RRBP1: variants seen among roughly 807,000 people sequenced by gnomAD.
The protein encoded by RRBP1 is ribosome binding protein 1.
RRBP1 carries 94 observed loss-of-function variants against 165.2 expected under a neutral mutation model. The ratio of observed to expected loss-of-function variants is 0.57; its 90% CI spans 0.48 to 0.68. The LOEUF is 0.68. Among genes scored for constraint, RRBP1 ranks in the 30% least tolerant of loss-of-function variants. The probability of loss-of-function intolerance (pLI) is 0.00; values close to 1 mark genes in which losing one functional copy is unlikely to be tolerated. For synonymous variants in RRBP1, 680 were observed against 714.5 expected (o/e 0.95, Z 0.77); for missense variants, 1,676 against 1,763.0 (o/e 0.95, Z 0.88).
chr20:17,619,850 C>A, intron 18 of RRBP1, 122 bp from the exon 19 acceptor site: 1 of 625,442 alleles, frequency 1.6e-6, no homozygotes, highest in Non-Finnish European at 2.7e-6. Context: ...CTGAGGCCCA[C>A]CAGCTACCAA....
At chr20:17,653,261 A>T (rs1047636829) in intron 3 of RRBP1, among the ~76,000 whole-genome samples, 1 of 152,230 alleles carries the variant, frequency 6.6e-6, no homozygotes, top group Non-Finnish European at 1.5e-5. Flanking sequence ...GGAGAGGTGC[A>T]CACTTCACTG....
intron 20 of RRBP1, among the ~76,000 whole-genome samples, chr20:17,617,740 C>T (rs765923410): frequency 1.1e-4 from 16 of 152,156 alleles, no homozygotes; most frequent in Non-Finnish European, 2.9e-5. Context: ...CAAGGGGGAC[C>T]GAGGGTGTTG....
intron 3 of RRBP1, among the ~76,000 whole-genome samples, chr20:17,644,042 G>A (rs1002037157): frequency 8.7e-5 from 13 of 148,842 alleles, no homozygotes; most frequent in African/African-American, 3.2e-4. Context: ...CCTCAGCTGA[G>A]CCCACCTTGG....
rs752557264 is a variant in RRBP1, at chr20:17,660,030, T to G, written c.478A>C (p.Ile160Leu). ...GCAGCCTTCGAAGTGAGAACCTGGA[T>G]GGAATTCACTACAGAGCTGACAGCT... ...EPAVSSVVNS[I>L]QVLTSKAAIL... Residue 160 changes from isoleucine (I) to leucine (L), a missense_variant, in exon 3 of 25, where the codon ATC becomes CTC. By Grantham distance (5) the Ile-to-Leu change is conservative. This residue lies in a region of RRBP1 where 392 missense variants were observed against 382.5 expected (regional missense o/e 1.02). Transcript: ENST00000377813. The G allele has an allele frequency of 1.2e-6, 2 of 1,613,400 alleles. No individual in the cohort carries two copies. The highest frequency in any genetic ancestry group is 1.7e-6 in the Non-Finnish European group (2 of 1,179,690).
intron 19 of RRBP1, 35 bp downstream of exon 19, chr20:17,619,598 G>T: frequency 6.7e-7 from 1 of 1,502,662 alleles, no homozygotes; most frequent in Non-Finnish European, 9.2e-7. Context: ...CAGATCTGCT[G>T]GGCAGGGGCT....
At position 17,660,477 on chromosome 20, in the gene RRBP1, C is replaced by G. The variant is rs2036744799; in HGVS notation, c.31G>C (p.Val11Leu). The change falls in exon 3 of 25, where the codon GTT (valine) becomes CTT (leucine). Residue 11 changes from valine to leucine, a missense_variant. Coordinates refer to ENST00000377813, the MANE Select transcript of RRBP1 (RefSeq NM_001365613.2). The stretch of plus-strand genomic sequence containing the variant: ...ACCATGAATCCTCCAAAGACCACAA[C>G]CCCCAAGGTTTGAGTGTCGTAAATA... MDIYDTQTLG[V>L]VVFGGFMVVS... is the part of the protein sequence containing the mutation. 1 of 1,614,012 alleles carries G rather than the reference C, an allele frequency of 6.2e-7. No homozygotes were observed. The highest frequency in any genetic ancestry group is 8.5e-7 in the Non-Finnish European group (1 of 1,179,924).
At chr20:17,641,718 C>G in intron 5 of RRBP1, 79 bp downstream of exon 5, 2 of 1,557,908 alleles carry the variant, frequency 1.3e-6, no homozygotes, top group Non-Finnish European at 1.8e-6. Flanking sequence ...TCTCGGAGCC[C>G]GGGATCCACC....
chr20:17,625,567 T>C lies in RRBP1; in HGVS notation c.2999A>G (p.Glu1000Gly), dbSNP rs895700649. 1.2e-6 allele frequency: 2 copies of C among 1,613,774 alleles called. No homozygotes were observed. Among genetic ancestry groups the C allele is most frequent in the African/African-American group, 1.3e-5 (1 of 74,864 alleles). Reference protein sequence around the residue: ...KELESQVSGLEKEAIELREAV... With the variant: ...KELESQVSGLGKEAIELREAV... ...CTCCCTGAGCTCGATGGCCTCCTTC[T>C]CCAGACCCGACACCTGGGACTCCAG... is the stretch of plus-strand genomic sequence containing the variant. The change falls in exon 12 of 25, where the codon GAG becomes GGG. Residue 1000 changes from glutamate to glycine, a missense_variant. Coordinates refer to ENST00000377813, the MANE Select transcript of RRBP1 (RefSeq NM_001365613.2).
Position 17,614,080 on chromosome 20 carries a change from T to G in RRBP1, c.*102A>C. 3 of 1,166,526 alleles carry G rather than the reference T, an allele frequency of 2.6e-6. No individual in the cohort carries two copies. Among genetic ancestry groups the G allele is most frequent in the Non-Finnish European group, 3.9e-6 (3 of 777,904 alleles). 72.3% of individuals were successfully genotyped at this position (1,166,526 alleles called of 1,614,324 possible). On this transcript the variant is annotated 3_prime_UTR_variant, in exon 25 of 25. Coordinates refer to ENST00000377813, the MANE Select transcript of RRBP1 (RefSeq NM_001365613.2). ...TGGCTTCTCTCGGAGCTACCGGAAG[T>G]TGGGCCTGGATAACGCTGTGTAGGT...
At chr20:17,642,076 C>T (rs934811714) in intron 4 of RRBP1, among the ~76,000 whole-genome samples, 157 bp from the exon 5 acceptor site, 9 of 152,212 alleles carry the variant, frequency 5.9e-5, no homozygotes, top group African/African-American at 2.2e-4. Context: ...TGGGGAAAGG[C>T]GGCCCCGCCT....
chr20:17,616,035 C>G (rs371436578), intron 21 of RRBP1, 26 bp from the exon 22 acceptor site: 1 of 1,594,862 alleles, frequency 6.3e-7, no homozygotes, highest in African/African-American at 1.3e-5. Flanking sequence ...AAACATAACC[C>G]GGCAGCCCGG....
chr20:17,638,432 G>A (rs763763857), intron 5 of RRBP1, among the ~76,000 whole-genome samples: 10 of 152,302 alleles, frequency 6.6e-5, no homozygotes, highest in Middle Eastern at 3.4e-3. Flanking sequence ...GCCCTGGGCA[G>A]GCCTCGTGCA....
In RRBP1 at chr20:17,629,936, G is replaced by T. The variant is rs775907013; in HGVS notation, c.2636C>A (p.Ala879Asp). 2.1e-5 allele frequency: 33 copies of T among 1,598,976 alleles called. No individual in the cohort carries two copies. Among genetic ancestry groups the T allele is most frequent in the Middle Eastern group, 3.3e-4 (2 of 6,076 alleles). Residue 879 changes from alanine (A) to aspartate (D), a missense_variant, in exon 9 of 25, where the codon GCC (alanine) becomes GAC (aspartate). Ala to Asp is a moderately radical substitution (Grantham distance 126). Coordinates refer to ENST00000377813, the MANE Select transcript of RRBP1 (RefSeq NM_001365613.2). ...GACCTCGTCCAGGCGCTTCTGCAGG[G>T]CCTCCTCACTCTCCCTGTGGGACGC... ...LQASHRESEE[A>D]LQKRLDEVSR... is the part of the protein sequence containing the mutation.
At chr20:17,622,429 G>A (rs564894504) in intron 13 of RRBP1, among the ~76,000 whole-genome samples, 5 of 152,222 alleles carry the variant, frequency 3.3e-5, no homozygotes, top group South Asian at 2.1e-4. Flanking sequence ...GAAGCAGTGC[G>A]TCTGCTGGCG....
At chr20:17,619,858 C>G (rs2035874002) in intron 18 of RRBP1, 130 bp from the exon 19 acceptor site, 1 of 604,316 alleles carries the variant, frequency 1.7e-6, no homozygotes, top group Non-Finnish European at 2.9e-6. Context: ...CACCAGCTAC[C>G]AAGCAAACGA....
chr20:17,644,497 C>T (rs115481340), intron 3 of RRBP1, among the ~76,000 whole-genome samples: 157 of 152,350 alleles, frequency 1.0e-3, no homozygotes, highest in African/African-American at 3.6e-3. Flanking sequence ...CCCAGCCTTC[C>T]TGTCTTCCCC....
At chr20:17,629,657 G>A (rs1339279733) in intron 9 of RRBP1, among the ~76,000 whole-genome samples, 166 bp downstream of exon 9, 2 of 152,188 alleles carry the variant, frequency 1.3e-5, no homozygotes, top group South Asian at 2.1e-4. Context: ...CCCTGACTGG[G>A]CATAATCCCC....
intron 2 of RRBP1, among the ~76,000 whole-genome samples, chr20:17,671,308 A>G (rs143916663): frequency 1.3e-5 from 2 of 152,222 alleles, no homozygotes; most frequent in East Asian, 3.9e-4. Context: ...ATTCAGTGCT[A>G]TTTCATCCTT....
At chr20:17,639,545 C>G (rs1344679667) in intron 5 of RRBP1, among the ~76,000 whole-genome samples, 2 of 152,244 alleles carry the variant, frequency 1.3e-5, no homozygotes, top group Non-Finnish European at 2.9e-5. Context: ...CTGGAATTTA[C>G]TGTCTCACAA....
Sources: gnomAD v4.1 joint callset for allele counts (sites outside exome capture counted in the v4.1 genomes callset) on GRCh38, gnomAD v4.1.1 for gene constraint, gnomAD v4.1.1 regional missense constraint, MANE v1.5 for transcripts, NCBI Gene and HGNC (gene_info 2026-07-23, HGNC 2026-07-21) for gene names.